NAA11: variants seen among roughly 807,000 people sequenced by gnomAD.
NAA11 encodes N-alpha-acetyltransferase 11.
NAA11 carries 15 observed loss-of-function variants against 16.1 expected under a neutral mutation model. The observed-to-expected ratio is 0.93, with a 90% CI of 0.62 to 1.44. The LOEUF is 1.44. Ranked by LOEUF, NAA11 falls within the 40% of genes most tolerant of loss-of-function variation. The pLI is 0.00. For synonymous variants in NAA11, 122 were observed against 112.4 expected (o/e 1.09, Z -0.54); for missense variants, 298 against 291.3 (o/e 1.02, Z -0.17).
Position 79,325,460 on chromosome 4 carries a change from C to G in NAA11, c.418G>C (p.Asp140His), listed in dbSNP as rs764401146. ...TTCATAGCATAAGCATCTTCCCCAT[C>G]TGCATAGTATTTAGGTTCCACCTCA... Reference protein sequence around the residue: ...ISEVEPKYYADGEDAYAMKRD... With the variant: ...ISEVEPKYYAHGEDAYAMKRD... The change falls in exon 1 of 2, where the codon GAT (aspartate) becomes CAT (histidine). Residue 140 changes from aspartate (D) to histidine (H), a missense_variant. Asp to His is a moderately conservative substitution (Grantham distance 81). Coordinates refer to ENST00000286794, the MANE Select transcript of NAA11 (RefSeq NM_032693.3). 38 of 1,614,100 alleles carry G rather than the reference C, an allele frequency of 2.4e-5. No individual in the cohort carries two copies. The South Asian group carries it at 4.1e-4, about 17-fold the overall frequency.
chr4:79,166,246 G>GT, the NAA11 span, among the ~76,000 whole-genome samples: 1 of 151,972 alleles, frequency 6.6e-6, no homozygotes, highest in Non-Finnish European at 1.5e-5. Context: ...TCTAACCACG[G>GT]TTTTTTCCCC....
chr4:79,268,154 C>T (rs1462874590), intron 2 of NAA11, among the ~76,000 whole-genome samples: 1 of 152,100 alleles, frequency 6.6e-6, no homozygotes, highest in Non-Finnish European at 1.5e-5. Context: ...ATTCTTTTTA[C>T]TGTTTTGAAA....
chr4:79,166,853 G>A, the NAA11 span, among the ~76,000 whole-genome samples: 1 of 148,218 alleles, frequency 6.7e-6, no homozygotes, highest in African/African-American at 2.5e-5. Flanking sequence ...GGGCAACAGA[G>A]CAAGACTGTT....
intron 1 of NAA11, among the ~76,000 whole-genome samples, chr4:79,294,664 C>G (rs1723168165): frequency 6.6e-6 from 1 of 151,968 alleles, no homozygotes; most frequent in Non-Finnish European, 1.5e-5. Flanking sequence ...GTTCTTTTAT[C>G]CAGTTTATTA....
intron 2 of NAA11, among the ~76,000 whole-genome samples, chr4:79,229,533 T>A (rs4975173): frequency 6.6e-6 from 1 of 151,722 alleles, no homozygotes; most frequent in African/African-American, 2.4e-5. Context: ...AGTCAATGAA[T>A]TCATAAAAAT....
At chr4:79,266,609 G>A (rs1722350990) in intron 2 of NAA11, among the ~76,000 whole-genome samples, 2 of 152,128 alleles carry the variant, frequency 1.3e-5, no homozygotes, top group African/African-American at 2.4e-5. Context: ...AGAAGCTGAC[G>A]GTTTTGCACT....
chr4:79,193,201 T>C, the NAA11 span, among the ~76,000 whole-genome samples: 3 of 152,220 alleles, frequency 2.0e-5, no homozygotes, highest in Admixed American at 1.3e-4. Flanking sequence ...GGTAGTTTCT[T>C]TTGCTGTGCA....
the NAA11 span, chr4:79,195,763 T>A: frequency 6.6e-6 from 1 of 152,082 alleles, no homozygotes; most frequent in African/African-American, 2.4e-5. Flanking sequence ...CCCATGCTGC[T>A]GTTCTCGTGA....
chr4:79,197,776 C>G, the NAA11 span: 1 of 151,840 alleles, frequency 6.6e-6, no homozygotes, highest in Non-Finnish European at 1.5e-5. Context: ...GAAGCATAGG[C>G]AGTATCGTAG....
At chr4:79,161,757 C>G in the NAA11 span, among the ~76,000 whole-genome samples, 2 of 152,052 alleles carry the variant, frequency 1.3e-5, no homozygotes, top group Non-Finnish European at 2.9e-5. Flanking sequence ...TCACTGCAAC[C>G]TCCACCTCCC....
chr4:79,324,950 T>A (rs1724213273), intron 1 of NAA11, among the ~76,000 whole-genome samples: 2 of 152,234 alleles, frequency 1.3e-5, no homozygotes, highest in South Asian at 4.1e-4. Flanking sequence ...TGTTTCTTCA[T>A]TGAAATTAAT....
the NAA11 span, among the ~76,000 whole-genome samples, chr4:79,176,661 G>A: frequency 6.6e-6 from 1 of 152,112 alleles, no homozygotes; most frequent in Non-Finnish European, 1.5e-5. Context: ...CCAGAATAAT[G>A]TTTGACCAAA....
At chr4:79,256,651 A>ATATATAAATATATAT (rs1722113513) in intron 2 of NAA11, among the ~76,000 whole-genome samples, 37 of 130,710 alleles carry the variant, frequency 2.8e-4, no homozygotes, top group African/African-American at 7.1e-4. Context: ...TATAAATATA[A>ATATATAAATATATAT]ATATATATAT....
At chr4:79,231,827 T>C (rs978562401) in intron 2 of NAA11, among the ~76,000 whole-genome samples, 14 of 151,626 alleles carry the variant, frequency 9.2e-5, no homozygotes, top group African/African-American at 3.4e-4. Flanking sequence ...AATAACACCA[T>C]GGGGATGCAT....
At chr4:79,213,778 C>A in the NAA11 span, among the ~76,000 whole-genome samples, 1 of 152,128 alleles carries the variant, frequency 6.6e-6, no homozygotes, top group African/African-American at 2.4e-5. Flanking sequence ...TCCTTTACTT[C>A]TCCACTTGTT....
intron 2 of NAA11, among the ~76,000 whole-genome samples, chr4:79,258,600 C>T (rs968307485): frequency 1.3e-5 from 2 of 152,158 alleles, no homozygotes; most frequent in African/African-American, 4.8e-5. Context: ...TAGCTTGGTG[C>T]TGGCCTGCAG....
chr4:79,300,503 AT>A (rs1723354798), intron 1 of NAA11, among the ~76,000 whole-genome samples: 1 of 152,186 alleles, frequency 6.6e-6, no homozygotes, highest in African/African-American at 2.4e-5. Flanking sequence ...AGAAACAAAC[AT>A]TTGATAAATG....
At chr4:79,218,543 C>A in the NAA11 span, among the ~76,000 whole-genome samples, 1 of 151,992 alleles carries the variant, frequency 6.6e-6, no homozygotes, top group South Asian at 2.1e-4. Flanking sequence ...TAACTCACAT[C>A]TGTCATATAT....
At chr4:79,179,867 G>T in the NAA11 span, among the ~76,000 whole-genome samples, 3 of 152,140 alleles carry the variant, frequency 2.0e-5, no homozygotes, top group South Asian at 6.2e-4. Context: ...CCACATGGCT[G>T]GAGAGGCCTC....
Sources: gnomAD v4.1 joint callset for allele counts (sites outside exome capture counted in the v4.1 genomes callset) on GRCh38, gnomAD v4.1.1 for gene constraint, MANE v1.5 for transcripts, NCBI Gene and HGNC (gene_info 2026-07-23, HGNC 2026-07-21) for gene names.